The following PDE4B variants were observed in gnomAD, a reference collection of about 807,000 sequenced individuals.
The protein encoded by PDE4B is phosphodiesterase 4B.
A neutral mutation model predicts 82.2 loss-of-function variants in PDE4B; 20 were observed. That is an observed-to-expected ratio of 0.24 (90% CI 0.17 to 0.35). The LOEUF is 0.35. Among genes scored for constraint, PDE4B ranks in the 10% least tolerant of loss-of-function variants. The pLI, the probability that PDE4B is intolerant of heterozygous loss-of-function variation, is 1.00. For synonymous variants in PDE4B, 320 were observed against 318.9 expected (o/e 1.00, Z -0.04); for missense variants, 655 against 907.2 (o/e 0.72, Z 3.57).
intron 3 of PDE4B, among the ~76,000 whole-genome samples, chr1:66,029,760 A>G (rs952354753): frequency 6.6e-6 from 1 of 152,206 alleles, no homozygotes; most frequent in Non-Finnish European, 1.5e-5. Context: ...ACATCTAGAC[A>G]TGCAATAATG....
At chr1:65,821,300 A>G (rs1466209947) in intron 1 of PDE4B, among the ~76,000 whole-genome samples, 2 of 152,190 alleles carry the variant, frequency 1.3e-5, no homozygotes, top group Non-Finnish European at 2.9e-5. Flanking sequence ...ATCCCTTCCA[A>G]TGCTGTTAAG....
intron 2 of PDE4B, among the ~76,000 whole-genome samples, chr1:65,914,472 T>TC (rs1553120182): frequency 0.064 from 9,144 of 143,548 alleles, 648 homozygotes; most frequent in East Asian, 0.35. Flanking sequence ...TTCTTCTTCT[T>TC]TTTTTTTTTT....
At chr1:66,160,525 C>T (rs1372435393) in intron 3 of PDE4B, among the ~76,000 whole-genome samples, 1 of 152,208 alleles carries the variant, frequency 6.6e-6, no homozygotes, top group Non-Finnish European at 1.5e-5. Context: ...TAATAACCTT[C>T]TGCTCTGTCC....
chr1:66,370,637 G>A (rs1482624120), intron 16 of PDE4B, among the ~76,000 whole-genome samples: 1 of 152,160 alleles, frequency 6.6e-6, no homozygotes, highest in Non-Finnish European at 1.5e-5. Context: ...GTGCTCTCAG[G>A]ATTCATACAG....
At chr1:66,117,652 A>C (rs188523167) in intron 3 of PDE4B, among the ~76,000 whole-genome samples, 207 of 152,094 alleles carry the variant, frequency 1.4e-3, no homozygotes, top group Middle Eastern at 3.4e-3. Flanking sequence ...TGAGTACTCA[A>C]TTTTTCATTG....
chr1:65,906,441 C>CA (rs1370254998), intron 1 of PDE4B, among the ~76,000 whole-genome samples: 1 of 151,830 alleles, frequency 6.6e-6, no homozygotes, highest in Non-Finnish European at 1.5e-5. Flanking sequence ...TAAGATGAAA[C>CA]AAAAAATGGC....
chr1:66,181,325 G>T (rs962203695), intron 3 of PDE4B, among the ~76,000 whole-genome samples: 1 of 152,168 alleles, frequency 6.6e-6, no homozygotes, highest in Non-Finnish European at 1.5e-5. Context: ...TTGGCAAGAA[G>T]TTTGTTATTC....
chr1:66,338,600 C>CT (rs1660702465), intron 8 of PDE4B, among the ~76,000 whole-genome samples: 1 of 152,166 alleles, frequency 6.6e-6, no homozygotes, highest in African/African-American at 2.4e-5. Context: ...GCTCACTTCA[C>CT]TATCTGTTTC....
At chr1:66,241,012 A>G (rs4655603) in intron 3 of PDE4B, among the ~76,000 whole-genome samples, 31,409 of 152,112 alleles carry the variant, frequency 0.21, 6,717 homozygotes, top group African/African-American at 0.53. Flanking sequence ...CTTTCTGTGG[A>G]GAAAGCAGTT....
chr1:65,999,112 A>G (rs188293005), intron 3 of PDE4B, among the ~76,000 whole-genome samples: 2 of 152,322 alleles, frequency 1.3e-5, no homozygotes, highest in African/African-American at 4.8e-5. Context: ...CACATGCCGG[A>G]AGGTGGCCCA....
chr1:65,813,865 T>A (rs1374416171), intron 1 of PDE4B, among the ~76,000 whole-genome samples: 2 of 133,794 alleles, frequency 1.5e-5, no homozygotes, highest in East Asian at 2.1e-4. Context: ...TGAAAAATAA[T>A]GTGTCCAATA....
rs535877819 is a variant in PDE4B at position 65,947,220 on chromosome 1, A to G, written c.281+28385A>G. ...TGGGGCAAGACTGTGGATATACACT[A>G]TTATCTGTTTATGTGAATGAGAACT... On this transcript the variant is annotated intron_variant, in intron 3 of 16. Coordinates refer to ENST00000341517, the MANE Select transcript of PDE4B (RefSeq NM_002600.4). Among the ~76,000 whole-genome samples, 3 of 152,136 alleles carry G rather than the reference A, an allele frequency of 2.0e-5. No individual in the cohort carries two copies. In the South Asian group the frequency reaches 6.2e-4, roughly 32 times the overall value.
Position 66,096,529 on chromosome 1 carries a change from T to C in PDE4B, c.282-150931T>C, listed in dbSNP as rs1049689913. Among the ~76,000 whole-genome samples the C allele has an allele frequency of 6.1e-4, 87 of 142,530 alleles. 1 individual carries two copies. Among genetic ancestry groups the C allele is most frequent in the Non-Finnish European group, 1.1e-3 (73 of 65,268 alleles). The allele number at this position is 142,530 out of a possible 152,430, so 93.5% of individuals were successfully genotyped here. Reference sequence around the variant, plus strand: ...AAAATTATATATATATATATATATATATATATATATATACTGCATTTCAAA... The same window carrying C: ...AAAATTATATATATATATATATATACATATATATATATACTGCATTTCAAA... On this transcript the variant is annotated intron_variant, in intron 3 of 16. Coordinates refer to ENST00000341517, the MANE Select transcript of PDE4B (RefSeq NM_002600.4).
chr1:66,045,068 A>C (rs1427781212), intron 3 of PDE4B, among the ~76,000 whole-genome samples: 1 of 151,754 alleles, frequency 6.6e-6, no homozygotes. Flanking sequence ...TTCCAACTGC[A>C]TGATGAAGGT....
chr1:66,083,072 G>C (rs955747137), intron 3 of PDE4B, among the ~76,000 whole-genome samples: 6 of 152,052 alleles, frequency 3.9e-5, no homozygotes, highest in African/African-American at 7.2e-5. Flanking sequence ...CCCTCATCCT[G>C]CAGTTTGTTG....
chr1:65,931,958 C>G (rs1394379702), intron 3 of PDE4B, among the ~76,000 whole-genome samples: 1 of 152,172 alleles, frequency 6.6e-6, no homozygotes, highest in South Asian at 2.1e-4. Context: ...GAAGTTTGCA[C>G]TGACAGTTAC....
chr1:66,257,654 G>A lies in PDE4B; in HGVS notation c.484G>A (p.Asp162Asn), dbSNP rs892906860. 19 of 1,613,412 alleles carry A rather than the reference G, an allele frequency of 1.2e-5. No homozygotes were observed. The highest frequency in any genetic ancestry group is 1.7e-6 in the Non-Finnish European group (2 of 1,179,572). ...TTTTTCTCTTTTCACCAGACACGGC[G>A]ATGACTTGATTGTAACTCCTTTTGC... ...NSSLPSEQHG[D>N]DLIVTPFAQV... is the part of the protein sequence containing the mutation. The change falls in exon 5 of 17, where the codon GAT (aspartate) becomes AAT (asparagine). Residue 162 changes from aspartate (D) to asparagine (N), a missense_variant. Physicochemically the swap from Asp to Asn is conservative, Grantham distance 23 (BLOSUM62 1). This residue lies in a region of PDE4B where 253 missense variants were observed against 275.6 expected (regional missense o/e 0.92). Coordinates refer to ENST00000341517, the MANE Select transcript of PDE4B (RefSeq NM_002600.4).
intron 1 of PDE4B, among the ~76,000 whole-genome samples, chr1:65,899,153 TAAGGACATGAAGAG>T (rs1198867697): frequency 1.3e-5 from 2 of 151,848 alleles, no homozygotes; most frequent in Non-Finnish European, 2.9e-5. Flanking sequence ...AAAAGTGGGC[TAAGGACATGAAGAG>T]ACAGTTCTCA....
At chr1:66,342,748 A>G (rs1019955954) in intron 8 of PDE4B, among the ~76,000 whole-genome samples, 2 of 150,702 alleles carry the variant, frequency 1.3e-5, no homozygotes, top group Non-Finnish European at 3.0e-5. Context: ...AAAAAACAAA[A>G]CAAAGCTAAA....
Sources: allele counts gnomAD v4.1 joint callset (sites outside exome capture counted in the v4.1 genomes callset), GRCh38; gene constraint gnomAD v4.1.1; regional missense constraint gnomAD v4.1.1; transcripts MANE v1.5; gene names NCBI Gene and HGNC (gene_info 2026-07-23, HGNC 2026-07-21).